Variants in SGCZ observed in about 807,000 individuals in gnomAD.
SGCZ encodes zeta-sarcoglycan.
SGCZ carries 40 observed loss-of-function variants against 41.3 expected under a neutral mutation model. That is an observed-to-expected ratio of 0.97 (90% CI 0.75 to 1.26). SGCZ has a LOEUF of 1.26. Ranked by LOEUF, SGCZ falls within the 50% of genes most tolerant of loss-of-function variation. The probability of loss-of-function intolerance (pLI) is 0.00; values close to 1 mark genes in which losing one functional copy is unlikely to be tolerated. For missense variants in SGCZ, 552 were observed against 369.8 expected, an observed-to-expected ratio of 1.49 and a Z score of -4.04; for synonymous variants, 206 against 137.5, an observed-to-expected ratio of 1.50 and a Z score of -3.49.
intron 1 of SGCZ, among the ~76,000 whole-genome samples, chr8:15,184,890 T>A (rs760344845): frequency 6.6e-6 from 1 of 152,146 alleles, no homozygotes; most frequent in Non-Finnish European, 1.5e-5. Flanking sequence ...CTTTATTAAA[T>A]TCCCACCAAA....
intron 1 of SGCZ, among the ~76,000 whole-genome samples, chr8:14,771,862 T>C (rs1800251137): frequency 6.6e-6 from 1 of 152,138 alleles, no homozygotes; most frequent in Non-Finnish European, 1.5e-5. Flanking sequence ...AAAATTCCCA[T>C]GTAATTTGAA....
intron 1 of SGCZ, among the ~76,000 whole-genome samples, chr8:14,557,467 G>C (rs184791044): frequency 6.6e-6 from 1 of 152,068 alleles, no homozygotes; most frequent in East Asian, 1.9e-4. Context: ...TATTGCATTT[G>C]CTTTTGGGCT....
chr8:14,570,019 C>T (rs62498432), intron 1 of SGCZ, among the ~76,000 whole-genome samples: 24,940 of 151,528 alleles, frequency 0.16, 2,184 homozygotes, highest in East Asian at 0.29. Flanking sequence ...CTCCATTCCT[C>T]ATTACCTTCA....
intron 2 of SGCZ, among the ~76,000 whole-genome samples, chr8:14,370,884 A>G (rs1357367153): frequency 2.0e-5 from 3 of 152,134 alleles, no homozygotes; most frequent in East Asian, 3.9e-4. Context: ...CTGACTGTGT[A>G]ATACAAATGC....
chr8:15,087,289 T>A (rs1328860504), intron 1 of SGCZ, among the ~76,000 whole-genome samples: 1 of 152,050 alleles, frequency 6.6e-6, no homozygotes, highest in East Asian at 1.9e-4. Flanking sequence ...TCAGGAACAT[T>A]TCAATCTGAT....
chr8:14,359,373 A>C (rs1803421005), intron 2 of SGCZ, among the ~76,000 whole-genome samples: 1 of 152,102 alleles, frequency 6.6e-6, no homozygotes, highest in Non-Finnish European at 1.5e-5. Flanking sequence ...CTATAGACAA[A>C]ATGAATCTAA....
intron 1 of SGCZ, among the ~76,000 whole-genome samples, chr8:15,192,844 C>G (rs7814553): frequency 0.24 from 35,879 of 151,916 alleles, 4,740 homozygotes; most frequent in East Asian, 0.44. Flanking sequence ...AAAACAAAAG[C>G]AGCCTAACCA....
chr8:14,883,557 C>T (rs1444741977), intron 1 of SGCZ, among the ~76,000 whole-genome samples: 1 of 151,930 alleles, frequency 6.6e-6, no homozygotes, highest in Non-Finnish European at 1.5e-5. Context: ...TTCACTTGTC[C>T]AAGATCAAAT....
At chr8:14,112,540 T>C (rs1802407454) in intron 5 of SGCZ, among the ~76,000 whole-genome samples, 1 of 152,136 alleles carries the variant, frequency 6.6e-6, no homozygotes, top group African/African-American at 2.4e-5. Context: ...ATATTCAAAC[T>C]TTTTGGAAGT....
chr8:14,562,124 T>C (rs893388994), intron 1 of SGCZ, among the ~76,000 whole-genome samples: 5 of 152,154 alleles, frequency 3.3e-5, no homozygotes, highest in African/African-American at 1.2e-4. Flanking sequence ...GACCATTTTT[T>C]ACCTTAGTCC....
intron 1 of SGCZ, among the ~76,000 whole-genome samples, chr8:15,178,041 G>A (rs1383571032): frequency 6.6e-6 from 1 of 152,054 alleles, no homozygotes; most frequent in Non-Finnish European, 1.5e-5. Flanking sequence ...GCCTAGCCTT[G>A]CAATTTGCTC....
chr8:14,969,319 A>T (rs1210006475), intron 1 of SGCZ, among the ~76,000 whole-genome samples: 2 of 152,102 alleles, frequency 1.3e-5, no homozygotes, highest in Non-Finnish European at 2.9e-5. Context: ...GTTGCAGAGG[A>T]CTACACACTG....
intron 4 of SGCZ, among the ~76,000 whole-genome samples, chr8:14,228,422 C>T (rs1004939835): frequency 2.0e-5 from 3 of 151,940 alleles, no homozygotes; most frequent in African/African-American, 7.2e-5. Context: ...CTTTAACTGG[C>T]TCTGTAATAT....
chr8:14,428,139 T>C (rs935043581), intron 2 of SGCZ, among the ~76,000 whole-genome samples: 59 of 148,594 alleles, frequency 4.0e-4, no homozygotes, highest in African/African-American at 1.4e-3. Context: ...CACACATATA[T>C]ATATATATAT....
At chr8:14,603,963 A>C (rs1052707165) in intron 1 of SGCZ, among the ~76,000 whole-genome samples, 1 of 152,094 alleles carries the variant, frequency 6.6e-6, no homozygotes, top group African/African-American at 2.4e-5. Context: ...CATATCTCAC[A>C]CTGTTACTAT....
In SGCZ at chr8:14,090,343, C is replaced by T. The variant is rs1020804710; in HGVS notation, c.*100G>A. The T allele has an allele frequency of 1.3e-5, 17 of 1,299,638 alleles. No homozygotes were observed. The highest frequency in any genetic ancestry group is 2.4e-5 in the East Asian group (1 of 42,258). The allele number at this position is 1,299,638 out of a possible 1,614,324, so 80.5% of individuals were successfully genotyped here. A position where few individuals can be genotyped will look rare whatever the true frequency, so the allele number is the denominator to read the frequency against. ...ACTGGAAGTTGCTCTGTGGACCATT[C>T]GAAGAAGCTCTGGACTGATCACAAG... On this transcript the variant is annotated 3_prime_UTR_variant, in exon 8 of 8. Transcript: ENST00000382080.
chr8:14,395,125 A>G (rs765647297), intron 2 of SGCZ, among the ~76,000 whole-genome samples: 5 of 152,208 alleles, frequency 3.3e-5, no homozygotes, highest in Admixed American at 2.0e-4. Context: ...TAAATACTCT[A>G]TAATTATTCT....
intron 2 of SGCZ, among the ~76,000 whole-genome samples, chr8:14,362,957 G>T (rs1010425012): frequency 6.6e-6 from 1 of 152,178 alleles, no homozygotes; most frequent in Non-Finnish European, 1.5e-5. Flanking sequence ...GTGGTAAGAT[G>T]TGAGTTTTTA....
rs1801554012 is a variant in SGCZ at position 14,087,451 on chromosome 8, A to C, written c.*2992T>G. 6.6e-6 allele frequency among the ~76,000 whole-genome samples: 1 copy of C among 151,700 alleles called. No individual in the cohort carries two copies. Among genetic ancestry groups the C allele is most frequent in the South Asian group, 2.1e-4 (1 of 4,832 alleles). ...CCTGGCAAATAACTTAAATGCTAGC[A>C]AAACTACCAACCTCTTTTTCTTCTT... On this transcript the variant is annotated 3_prime_UTR_variant, in exon 8 of 8. Coordinates refer to ENST00000382080, the MANE Select transcript of SGCZ (RefSeq NM_139167.4).
Sources: gnomAD v4.1 joint callset for allele counts (sites outside exome capture counted in the v4.1 genomes callset) on GRCh38, gnomAD v4.1.1 for gene constraint, MANE v1.5 for transcripts, NCBI Gene and HGNC (gene_info 2026-07-23, HGNC 2026-07-21) for gene names.